The following OSBPL7 variants were observed in gnomAD, a reference collection of about 807,000 sequenced individuals.
The protein encoded by OSBPL7 is oxysterol-binding protein-related protein 7.
A neutral mutation model predicts 115.8 loss-of-function variants in OSBPL7; 66 were observed. The observed-to-expected ratio is 0.57, with a 90% CI of 0.47 to 0.70. OSBPL7 has a LOEUF of 0.70. OSBPL7 is among the 30% of genes least tolerant of loss of function. The probability of loss-of-function intolerance (pLI) is 0.00; values close to 1 mark genes in which losing one functional copy is unlikely to be tolerated. For missense variants in OSBPL7, 902 were observed against 1,125.5 expected (o/e 0.80, Z 2.84); for synonymous variants, 441 against 439.2 (o/e 1.00, Z -0.05).
At position 47,813,730 on chromosome 17, in the gene OSBPL7, T is replaced by C; in HGVS notation, c.1456A>G (p.Asn486Asp). 6.2e-7 allele frequency: 1 copy of C among 1,613,470 alleles called. No homozygotes were observed. The highest frequency in any genetic ancestry group is 1.1e-5 in the South Asian group (1 of 91,086). The change falls in exon 15 of 23, where the codon AAC becomes GAC. Residue 486 changes from asparagine to aspartate, a missense_variant. By Grantham distance (23) the Asn-to-Asp change is conservative. Coordinates refer to ENST00000007414, the MANE Select transcript of OSBPL7 (RefSeq NM_145798.3). ...DVSLWNILRNNIGKDLSKVSM... is the reference protein window; with the variant it reads ...DVSLWNILRNDIGKDLSKVSM... ...ACCTTGGACAGGTCTTTGCCGATGT[T>C]GTTGCGCAGAATGTTCCACAGGCTC... is the stretch of plus-strand genomic sequence containing the variant.
rs1395715038 is a variant in OSBPL7, at chr17:47,809,213, T to C, written c.2033A>G (p.Tyr678Cys). The C allele has an allele frequency of 1.9e-6, 3 of 1,613,976 alleles. No individual in the cohort carries two copies. The highest frequency in any genetic ancestry group is 2.7e-5 in the African/African-American group (2 of 74,930). Residue 678 changes from tyrosine to cysteine, a missense_variant, in exon 20 of 23, where the codon TAC becomes TGC. Tyr to Cys is a radical substitution (Grantham distance 194). This residue lies in a region of OSBPL7 where 230 missense variants were observed against 312.7 expected (regional missense o/e 0.74). Coordinates refer to ENST00000007414, the MANE Select transcript of OSBPL7 (RefSeq NM_145798.3). ...HCKITFCKAK[Y>C]WSSNVHEVQG... Reference sequence around the variant, plus strand: ...CACCTCGTGGACATTGGAACTCCAGTACTTGGCCTGGGGTGGGGAAGGCAG... The same window carrying C: ...CACCTCGTGGACATTGGAACTCCAGCACTTGGCCTGGGGTGGGGAAGGCAG...
intron 7 of OSBPL7, among the ~76,000 whole-genome samples, chr17:47,817,788 G>T (rs1293316015): frequency 6.6e-6 from 1 of 152,138 alleles, no homozygotes; most frequent in African/African-American, 2.4e-5. Flanking sequence ...TGTTGGTGTG[G>T]TGCCCCCTGG....
intron 7 of OSBPL7, 114 bp from the exon 8 acceptor site, chr17:47,817,473 T>C (rs1175653916): frequency 1.5e-6 from 1 of 663,398 alleles, no homozygotes; most frequent in African/African-American, 1.9e-5. Flanking sequence ...CACTGCAACC[T>C]CTGCCTCCCA....
In OSBPL7 at chr17:47,816,658, C is replaced by A; in HGVS notation, c.833G>T (p.Arg278Leu). 2 of 1,614,014 alleles carry A rather than the reference C, an allele frequency of 1.2e-6. No individual in the cohort carries two copies. The highest frequency in any genetic ancestry group is 1.7e-6 in the Non-Finnish European group (2 of 1,180,016). The change falls in exon 10 of 23, where the codon CGC becomes CTC. Residue 278 changes from arginine to leucine, a missense_variant. Transcript: ENST00000007414. This position sits in a 1 kb window ranked among gnomAD's most constrained non-coding sequence, Gnocchi z 5.8. The part of the protein sequence containing the change: ...RLHGSVPNLS[R>L]YLESRDSSGT... ...CGAGGAGTCCCGAGACTCCAGGTAG[C>A]GAGACAGGTTGGGAACAGAGCCATG...
intron 1 of OSBPL7, 35 bp from the exon 2 acceptor site, chr17:47,820,400 T>G: frequency 1.1e-6 from 1 of 903,860 alleles, no homozygotes; most frequent in Non-Finnish European, 1.6e-6. Flanking sequence ...TAACGCAAAC[T>G]CTGCTATCAC....
Position 47,813,771 on chromosome 17 carries a change from C to T in OSBPL7, c.1415G>A (p.Gly472Glu), listed in dbSNP as rs1294288730. Residue 472 changes from glycine (G) to glutamate (E), a missense_variant, in exon 15 of 23, where the codon GGG becomes GAG. Physicochemically the swap from Gly to Glu is moderately conservative, Grantham distance 98 (BLOSUM62 -2). Around this residue, in one of 3 missense-constraint regions of OSBPL7, gnomAD observed 667 missense variants for 788.7 expected, o/e 0.85. Coordinates refer to ENST00000007414, the MANE Select transcript of OSBPL7 (RefSeq NM_145798.3). ...PRRRCLPAASGPGADVSLWNI... is the reference protein window; with the variant it reads ...PRRRCLPAASEPGADVSLWNI... ...CCACAGGCTCACGTCAGCCCCAGGC[C>T]CGCTGGCCGCCGGCAGGCAGCGACG... The T allele has an allele frequency of 3.7e-6, 6 of 1,613,054 alleles. No homozygotes were observed. Among genetic ancestry groups the T allele is most frequent in the Non-Finnish European group, 5.1e-6 (6 of 1,179,894 alleles).
intron 18 of OSBPL7, among the ~76,000 whole-genome samples, chr17:47,810,389 C>G (rs1362574855): frequency 6.6e-6 from 1 of 152,222 alleles, no homozygotes; most frequent in Non-Finnish European, 1.5e-5. Context: ...CCTTCCAGCT[C>G]TACTACGTTC....
chr17:47,813,888 T>C, intron 14 of OSBPL7, 54 bp from the exon 15 acceptor site: 1 of 1,547,348 alleles, frequency 6.5e-7, no homozygotes, highest in East Asian at 2.4e-5. Context: ...ATCCCAGACA[T>C]GGCAAGCCCA....
rs2143546704 is a variant in OSBPL7, at chr17:47,816,155, G to A, written c.1071C>T (p.Thr357=). Reference sequence around the variant, plus strand: ...AAGAGTCCGCCGTGGTGTCGGAGGAGGTGGACAGTGAGTGGAGGCGCCTCT... The same window carrying A: ...AAGAGTCCGCCGTGGTGTCGGAGGAAGTGGACAGTGAGTGGAGGCGCCTCT... ...TGQRRLHSLS[T]SSDTTADSFS... is the part of the protein sequence containing the mutation. The change falls in exon 12 of 23, where the codon ACC becomes ACT. Residue 357 remains threonine, a synonymous_variant. Transcript: ENST00000007414. The surrounding 1 kb of genome is among the most constrained non-coding windows in gnomAD (Gnocchi z 5.8). 13 of 1,551,152 alleles carry A rather than the reference G, an allele frequency of 8.4e-6. No individual in the cohort carries two copies. Among genetic ancestry groups the A allele is most frequent in the Non-Finnish European group, 1.1e-5 (13 of 1,147,000 alleles).
chr17:47,817,367 GAAAA>G lies in OSBPL7; in HGVS notation c.599-12_599-9del. Reference sequence around the variant, plus strand: ...CCTGACACTCAGAGAGCTCTGCGGGGAAAAAGAACAAGAACAAGAACACCATTCA... The same window carrying G: ...CCTGACACTCAGAGAGCTCTGCGGGGAGAACAAGAACAAGAACACCATTCA... On this transcript the variant is annotated splice_polypyrimidine_tract_variant and intron_variant, in intron 7 of 22. Transcript: ENST00000007414. 5 of 1,523,206 alleles carry G rather than the reference GAAAA, an allele frequency of 3.3e-6. No individual in the cohort carries two copies. The highest frequency in any genetic ancestry group is 3.6e-6 in the Non-Finnish European group (4 of 1,111,330). The allele number at this position is 1,523,206 out of a possible 1,614,324, so 94.4% of individuals were successfully genotyped here.
chr17:47,814,479 A>ACCCCCCAAC, intron 14 of OSBPL7, 42 bp downstream of exon 14: 2 of 1,086,692 alleles, frequency 1.8e-6, no homozygotes, highest in Non-Finnish European at 2.8e-6. Context: ...CTGTTTTTCC[A>ACCCCCCAAC]CCCGCCTCCC....
chr17:47,814,974 A>G (rs2143542277), intron 13 of OSBPL7: 1 of 581,416 alleles, frequency 1.7e-6, no homozygotes, highest in South Asian at 2.4e-5. Flanking sequence ...GGTTGCAACT[A>G]TGGCAGTAGT....
chr17:47,814,615 C>A lies in OSBPL7; in HGVS notation c.1258-1G>T, dbSNP rs757723690. 1 of 1,613,900 alleles carries A rather than the reference C, an allele frequency of 6.2e-7. No individual in the cohort carries two copies. Among genetic ancestry groups the A allele is most frequent in the South Asian group, 1.1e-5 (1 of 91,072 alleles). ...TACAGGACTCCTCCTCCTCTGAGCC[C>A]TGGGCCAGGACAGATGACAGGCCGG... On this transcript the variant is annotated splice_acceptor_variant, in intron 13 of 22. Coordinates refer to ENST00000007414, the MANE Select transcript of OSBPL7 (RefSeq NM_145798.3). LOFTEE classifies it high-confidence loss of function.
chr17:47,811,496 C>A (rs548569625), intron 16 of OSBPL7, among the ~76,000 whole-genome samples: 2 of 152,312 alleles, frequency 1.3e-5, no homozygotes, highest in East Asian at 3.9e-4. Flanking sequence ...CCAGCACCGG[C>A]CTCCTCTGTG....
chr17:47,821,133 T>C (rs956559621), intron 1 of OSBPL7, among the ~76,000 whole-genome samples: 15 of 152,214 alleles, frequency 9.9e-5, no homozygotes, highest in African/African-American at 3.6e-4. Flanking sequence ...GCACAGGTCC[T>C]GCAGCAGTGC....
intron 19 of OSBPL7, 30 bp from the exon 20 acceptor site, chr17:47,809,250 G>T (rs370989837): frequency 5.0e-6 from 8 of 1,613,290 alleles, no homozygotes; most frequent in Non-Finnish European, 5.9e-6. Context: ...GTTTAGGGAG[G>T]TGTCCCCTCC....
rs1598017233 is a variant in OSBPL7 at position 47,813,351 on chromosome 17, G to C, written c.1652C>G (p.Ala551Gly). 3.1e-6 allele frequency: 5 copies of C among 1,614,090 alleles called. No homozygotes were observed. In the East Asian group the frequency reaches 1.1e-4, roughly 36 times the overall value. Residue 551 changes from alanine (A) to glycine (G), a missense_variant, in exon 16 of 23, where the codon GCC becomes GGC. Physicochemically the swap from Ala to Gly is moderately conservative, Grantham distance 60. Transcript: ENST00000007414. ...GACAGGGTTGAAGGGCTTGCAGCCG[G>C]CTCGGTGGTATGTGGAGGAGTAGGC... is the stretch of plus-strand genomic sequence containing the variant. ...VSAYSSTYHRAGCKPFNPVLG... is the reference protein window; with the variant it reads ...VSAYSSTYHRGGCKPFNPVLG...
chr17:47,810,487 G>T, intron 18 of OSBPL7, 107 bp downstream of exon 18: 1 of 958,796 alleles, frequency 1.0e-6, no homozygotes, highest in Non-Finnish European at 1.6e-6. Context: ...GCAGCTTCAG[G>T]CCAGACCTTC....
At chr17:47,819,227 C>G (rs2033323470) in intron 4 of OSBPL7, 128 bp from the exon 5 acceptor site, 1 of 699,252 alleles carries the variant, frequency 1.4e-6, no homozygotes, top group Non-Finnish European at 2.5e-6. Flanking sequence ...ATGTCCAAGT[C>G]ACACTATCAG....
Sources: gnomAD v4.1 joint callset for allele counts (sites outside exome capture counted in the v4.1 genomes callset) on GRCh38, gnomAD v4.1.1 for gene constraint, gnomAD v4.1.1 regional missense constraint, Gnocchi (gnomAD v3.1) non-coding constraint, MANE v1.5 for transcripts, NCBI Gene and HGNC (gene_info 2026-07-23, HGNC 2026-07-21) for gene names.